The following CLMP variants were observed in gnomAD, a reference collection of about 807,000 sequenced individuals.
CLMP encodes CXADR-like membrane protein.
Under a neutral mutation model 45.2 loss-of-function variants are expected in CLMP, and 27 were observed. The observed-to-expected ratio is 0.60, with a 90% CI of 0.44 to 0.82. CLMP has a LOEUF of 0.82. Among genes scored for constraint, CLMP ranks in the 40% least tolerant of loss-of-function variants. The pLI is 0.00. For synonymous variants in CLMP, 167 were observed against 171.4 expected (o/e 0.97, Z 0.20); for missense variants, 403 against 448.4 (o/e 0.90, Z 0.91).
At chr11:123,171,466 C>T (rs1357647906) in intron 1 of CLMP, among the ~76,000 whole-genome samples, 9 of 75,082 alleles carry the variant, frequency 1.2e-4, no homozygotes, top group South Asian at 4.5e-4. Context: ...TTTTTTGAGA[C>T]GGAGTCTAGC....
intron 1 of CLMP, among the ~76,000 whole-genome samples, chr11:123,120,576 A>G (rs1860800964): frequency 6.6e-6 from 1 of 152,208 alleles, no homozygotes; most frequent in Admixed American, 6.5e-5. Context: ...GTATTCAATT[A>G]TTTGATGATT....
chr11:123,151,528 A>G (rs181447442), intron 1 of CLMP, among the ~76,000 whole-genome samples: 2 of 152,370 alleles, frequency 1.3e-5, no homozygotes, highest in East Asian at 3.9e-4. Context: ...TGTATCAGGT[A>G]TACAAAAATG....
intron 1 of CLMP, chr11:123,135,949 C>T: frequency 5.4e-6 from 3 of 554,732 alleles, no homozygotes; most frequent in Non-Finnish European, 1.1e-5. Flanking sequence ...AAAAAGCCTC[C>T]CACAAATCTA....
At chr11:123,172,044 T>A (rs1279368008) in intron 1 of CLMP, among the ~76,000 whole-genome samples, 2 of 152,202 alleles carry the variant, frequency 1.3e-5, no homozygotes, top group East Asian at 3.9e-4. Context: ...CAACATTATA[T>A]TATGAGCATT....
At chr11:123,089,782 A>T (rs1447957643) in intron 2 of CLMP, among the ~76,000 whole-genome samples, 1 of 135,792 alleles carries the variant, frequency 7.4e-6, no homozygotes, top group African/African-American at 2.9e-5. Context: ...ATCTCAAAAA[A>T]AAAAAAAAAA....
chr11:123,158,050 C>T (rs1382891798), intron 1 of CLMP, among the ~76,000 whole-genome samples: 1 of 152,168 alleles, frequency 6.6e-6, no homozygotes, highest in Non-Finnish European at 1.5e-5. Context: ...ACACACATTA[C>T]TCAATCCACC....
At chr11:123,121,538 T>A (rs1860818671) in intron 1 of CLMP, among the ~76,000 whole-genome samples, 1 of 152,146 alleles carries the variant, frequency 6.6e-6, no homozygotes, top group African/African-American at 2.4e-5. Flanking sequence ...CCTCAAGTGA[T>A]CTGCCTGCCT....
chr11:123,136,788 C>T (rs1861079685), intron 1 of CLMP, among the ~76,000 whole-genome samples: 1 of 151,726 alleles, frequency 6.6e-6, no homozygotes, highest in Admixed American at 6.6e-5. Context: ...AGGTTGGTCT[C>T]GAACTCCTGA....
intron 1 of CLMP, among the ~76,000 whole-genome samples, chr11:123,172,521 AT>A (rs1861649786): frequency 6.6e-6 from 1 of 152,140 alleles, no homozygotes; most frequent in East Asian, 1.9e-4. Flanking sequence ...TCTCTCAGTC[AT>A]CCAGGCTGTA....
At chr11:123,078,679 C>G (rs1423729995) in intron 5 of CLMP, among the ~76,000 whole-genome samples, 1 of 144,746 alleles carries the variant, frequency 6.9e-6, no homozygotes, top group Non-Finnish European at 1.5e-5. Flanking sequence ...GAGTCCTGCT[C>G]TGTCGCCTAG....
At chr11:123,139,578 G>A (rs1441143089) in intron 1 of CLMP, among the ~76,000 whole-genome samples, 3 of 152,208 alleles carry the variant, frequency 2.0e-5, no homozygotes, top group Non-Finnish European at 4.4e-5. Flanking sequence ...TGTAATGCCA[G>A]CACATTGGGA....
chr11:123,176,773 C>T, intron 1 of CLMP, among the ~76,000 whole-genome samples: 1 of 152,146 alleles, frequency 6.6e-6, no homozygotes, highest in East Asian at 1.9e-4. Context: ...TTATATTACA[C>T]ACAGAGAATC....
Position 123,073,752 on chromosome 11 carries a change from C to G in CLMP, c.844G>C (p.Ala282Pro). The G allele has an allele frequency of 6.3e-7, 1 of 1,599,034 alleles. No homozygotes were observed. Among genetic ancestry groups the G allele is most frequent in the South Asian group, 1.1e-5 (1 of 89,302 alleles). ...EIREDAEAPK[A>P]RLVKPSSSSS... is the part of the protein sequence containing the mutation. ...GAGGAGCTGGGTTTCACAAGACGGGCTTTTGGAGCTTCAGCATCTTCTCTG... is the reference window on the plus strand; with the variant it reads ...GAGGAGCTGGGTTTCACAAGACGGGGTTTTGGAGCTTCAGCATCTTCTCTG... Residue 282 changes from alanine (A) to proline (P), a missense_variant, in exon 7 of 7, where the codon GCC becomes CCC. Coordinates refer to ENST00000448775, the MANE Select transcript of CLMP (RefSeq NM_024769.5).
At chr11:123,174,413 A>T (rs1333124512) in intron 1 of CLMP, among the ~76,000 whole-genome samples, 1 of 152,246 alleles carries the variant, frequency 6.6e-6, no homozygotes, top group Non-Finnish European at 1.5e-5. Flanking sequence ...GATCATCTGG[A>T]CTAGGCGACA....
chr11:123,174,702 A>T (rs563984514), intron 1 of CLMP, among the ~76,000 whole-genome samples: 49 of 152,170 alleles, frequency 3.2e-4, no homozygotes, highest in African/African-American at 1.2e-3. Context: ...AATGTCCTTT[A>T]TATTCTCTCT....
At position 123,120,975 on chromosome 11, in the gene CLMP, A is replaced by G. The variant is rs543597675; in HGVS notation, c.29-23023T>C. On this transcript the variant is annotated intron_variant, in intron 1 of 6. Coordinates refer to ENST00000448775, the MANE Select transcript of CLMP (RefSeq NM_024769.5). ...CCCCCTCTCTACTAAAACTACAAAAAATTAGCTGGGCATGGTGTGGCAGGA... is the reference window on the plus strand; with the variant it reads ...CCCCCTCTCTACTAAAACTACAAAAGATTAGCTGGGCATGGTGTGGCAGGA... 2.0e-5 allele frequency among the ~76,000 whole-genome samples: 3 copies of G among 152,008 alleles called. No individual in the cohort carries two copies. In the South Asian group the frequency reaches 6.3e-4, roughly 32 times the overall value.
intron 1 of CLMP, among the ~76,000 whole-genome samples, chr11:123,182,825 C>T (rs1861787306): frequency 6.6e-6 from 1 of 152,164 alleles, no homozygotes; most frequent in African/African-American, 2.4e-5. Context: ...ACTCAATGCC[C>T]ACACACCCTC....
At chr11:123,106,434 C>T (rs578195666) in intron 1 of CLMP, among the ~76,000 whole-genome samples, 403 of 97,566 alleles carry the variant, frequency 4.1e-3, no homozygotes, top group East Asian at 0.036. Flanking sequence ...TGCGCGCGCG[C>T]GCGCGCACGT....
chr11:123,189,715 T>C (rs1861880657), intron 1 of CLMP, among the ~76,000 whole-genome samples: 1 of 152,080 alleles, frequency 6.6e-6, no homozygotes, highest in African/African-American at 2.4e-5. Flanking sequence ...ATTTTAAAAG[T>C]AGAAGAAAAT....
Sources: gnomAD v4.1 joint callset for allele counts (sites outside exome capture counted in the v4.1 genomes callset) on GRCh38, gnomAD v4.1.1 for gene constraint, MANE v1.5 for transcripts, NCBI Gene and HGNC (gene_info 2026-07-23, HGNC 2026-07-21) for gene names.